DTD1: variants seen among roughly 807,000 people sequenced by gnomAD.
The protein encoded by DTD1 is D-aminoacyl-tRNA deacylase 1.
In DTD1, 13 loss-of-function variants were observed where a neutral mutation model predicts 25.6. The observed-to-expected ratio is 0.51, with a 90% CI of 0.33 to 0.81. The LOEUF is 0.81. Ranked by LOEUF, DTD1 falls within the 30% of genes least tolerant of loss-of-function variation. DTD1 has a pLI of 0.02. For synonymous variants in DTD1, 110 were observed against 103.6 expected (o/e 1.06, Z -0.37); for missense variants, 193 against 266.4 (o/e 0.72, Z 1.92).
At chr20:18,759,866 G>A (rs995303872) in intron 5 of DTD1, among the ~76,000 whole-genome samples, 2 of 152,118 alleles carry the variant, frequency 1.3e-5, no homozygotes, top group Non-Finnish European at 1.5e-5. Context: ...TCACTTTCAG[G>A]TACACCAATC....
chr20:18,708,456 A>G (rs1202898095), intron 4 of DTD1, among the ~76,000 whole-genome samples: 3 of 144,072 alleles, frequency 2.1e-5, no homozygotes, highest in Non-Finnish European at 4.5e-5. Flanking sequence ...CCCTGGTTCA[A>G]GCGATTCTCG....
At chr20:18,630,879 T>A (rs1017504865) in intron 4 of DTD1, 2 of 167,280 alleles carry the variant, frequency 1.2e-5, no homozygotes, top group African/African-American at 4.8e-5. Flanking sequence ...ATTGAGGTAA[T>A]ACATGTTGAC....
intron 3 of DTD1, among the ~76,000 whole-genome samples, chr20:18,625,243 A>G (rs187682821): frequency 7.4e-4 from 113 of 152,326 alleles, no homozygotes; most frequent in Admixed American, 5.6e-3. Flanking sequence ...ACCTAGGCCT[A>G]GCCCTCAAAC....
Position 18,705,394 on chromosome 20 carries a change from C to A in DTD1, c.478-38706C>A, listed in dbSNP as rs555342099. On this transcript the variant is annotated intron_variant, in intron 4 of 5. Transcript: ENST00000377452. ...CCACTTGCATCCCCACAGCAACTCC[C>A]GCCCCTGCCTGTACCCTTTCTCACA... 3.3e-5 allele frequency among the ~76,000 whole-genome samples: 5 copies of A among 152,142 alleles called. No homozygotes were observed. The East Asian group carries it at 9.6e-4, about 29-fold the overall frequency.
At chr20:18,741,340 A>G (rs1011206273) in intron 4 of DTD1, among the ~76,000 whole-genome samples, 4 of 152,228 alleles carry the variant, frequency 2.6e-5, no homozygotes, top group African/African-American at 7.2e-5. Flanking sequence ...ATCTCTCACA[A>G]TACTTTGCTG....
chr20:18,640,168 G>C (rs1471449504), intron 4 of DTD1, among the ~76,000 whole-genome samples: 1 of 150,862 alleles, frequency 6.6e-6, no homozygotes, highest in African/African-American at 2.4e-5. Flanking sequence ...AGAAAGCAGT[G>C]TATTAACTGG....
chr20:18,649,984 A>G lies in DTD1; in HGVS notation c.477+21751A>G, dbSNP rs2060867827. On this transcript the variant is annotated intron_variant, in intron 4 of 5. Coordinates refer to ENST00000377452, the MANE Select transcript of DTD1 (RefSeq NM_080820.6). ...TTCCAGTACTTTGGGAGGTGGAGGC[A>G]GGTGGATTGCTTGAGCCCAGGAGTT... 2.0e-5 allele frequency among the ~76,000 whole-genome samples: 3 copies of G among 152,210 alleles called. No individual in the cohort carries two copies. In the South Asian group the frequency reaches 6.2e-4, roughly 31 times the overall value.
chr20:18,690,070 A>G (rs542030702), intron 4 of DTD1, among the ~76,000 whole-genome samples: 1 of 151,066 alleles, frequency 6.6e-6, no homozygotes, highest in African/African-American at 2.4e-5. Context: ...CAGGAGTTCA[A>G]GACTGCAATG....
At chr20:18,759,052 T>C (rs1342424329) in intron 5 of DTD1, among the ~76,000 whole-genome samples, 2 of 152,244 alleles carry the variant, frequency 1.3e-5, no homozygotes, top group Non-Finnish European at 2.9e-5. Context: ...AGACTAGGAT[T>C]GCAACCCCTG....
At chr20:18,724,479 C>G (rs1043601376) in intron 4 of DTD1, among the ~76,000 whole-genome samples, 2 of 152,102 alleles carry the variant, frequency 1.3e-5, no homozygotes, top group Non-Finnish European at 2.9e-5. Context: ...TATCATAATA[C>G]TCATCGTTTT....
chr20:18,644,626 G>C (rs191695654), intron 4 of DTD1, among the ~76,000 whole-genome samples: 50 of 152,280 alleles, frequency 3.3e-4, no homozygotes, highest in Middle Eastern at 3.4e-3. Context: ...AGGAATAATA[G>C]ACCTGAAAGA....
At chr20:18,630,209 CAG>C (rs1016551553) in intron 4 of DTD1, among the ~76,000 whole-genome samples, 8 of 152,070 alleles carry the variant, frequency 5.3e-5, no homozygotes, top group African/African-American at 1.9e-4. Flanking sequence ...GTTGAAAAAA[CAG>C]AGTTTCCATA....
At chr20:18,715,176 C>T (rs2061175122) in intron 4 of DTD1, among the ~76,000 whole-genome samples, 1 of 152,134 alleles carries the variant, frequency 6.6e-6, no homozygotes, top group South Asian at 2.1e-4. Context: ...CTGTCATACA[C>T]TGTCCCCTCC....
intron 5 of DTD1, among the ~76,000 whole-genome samples, chr20:18,748,953 C>T (rs2061311506): frequency 6.6e-6 from 1 of 152,114 alleles, no homozygotes; most frequent in South Asian, 2.1e-4. Context: ...TTTCCTTCCC[C>T]TTCCCTATAA....
chr20:18,632,046 A>G, intron 4 of DTD1: 1 of 851,594 alleles, frequency 1.2e-6, no homozygotes, highest in Non-Finnish European at 1.4e-6. Context: ...CACACAGAAT[A>G]AAGGACGGTA....
intron 4 of DTD1, among the ~76,000 whole-genome samples, chr20:18,739,768 T>C (rs2061269993): frequency 6.6e-6 from 1 of 152,234 alleles, no homozygotes; most frequent in African/African-American, 2.4e-5. Context: ...TCCAGCTGCT[T>C]TCTTGCTTTG....
chr20:18,740,535 GC>G (rs1361803857), intron 4 of DTD1, among the ~76,000 whole-genome samples: 1 of 152,136 alleles, frequency 6.6e-6, no homozygotes, highest in East Asian at 1.9e-4. Context: ...GCAGCAGAAG[GC>G]AGCTTACCAC....
intron 4 of DTD1, among the ~76,000 whole-genome samples, chr20:18,716,828 T>C (rs2061182845): frequency 6.6e-6 from 1 of 152,084 alleles, no homozygotes; most frequent in South Asian, 2.1e-4. Flanking sequence ...ACATATTTTG[T>C]ATTTTGCAAA....
At chr20:18,641,112 T>C (rs1316862457) in intron 4 of DTD1, among the ~76,000 whole-genome samples, 2 of 152,260 alleles carry the variant, frequency 1.3e-5, no homozygotes, top group African/African-American at 4.8e-5. Flanking sequence ...GTGACTGGCT[T>C]ATGTCACTTA....
Sources: gnomAD v4.1 joint callset for allele counts (sites outside exome capture counted in the v4.1 genomes callset) on GRCh38, gnomAD v4.1.1 for gene constraint, MANE v1.5 for transcripts, NCBI Gene and HGNC (gene_info 2026-07-23, HGNC 2026-07-21) for gene names.